Variants in CACNA1B observed in about 807,000 individuals in gnomAD.
The protein encoded by CACNA1B is voltage-dependent N-type calcium channel subunit alpha-1B.
CACNA1B carries 70 observed loss-of-function variants against 247.2 expected under a neutral mutation model. The observed-to-expected ratio is 0.28, with a 90% confidence interval of 0.23 to 0.35. The LOEUF (loss-of-function observed/expected upper bound fraction) is 0.35, where lower values mean the gene tolerates loss of function less well. CACNA1B is among the 10% of genes least tolerant of loss of function. The pLI is 1.00. For missense variants in CACNA1B, 2,367 were observed against 3,197.4 expected (o/e 0.74, Z 6.26); for synonymous variants, 1,231 against 1,294.4 (o/e 0.95, Z 1.05).
chr9:138,095,363 A>C (rs192122997), intron 36 of CACNA1B, among the ~76,000 whole-genome samples: 1 of 152,254 alleles, frequency 6.6e-6, no homozygotes, highest in African/African-American at 2.4e-5. Flanking sequence ...AAGATATTCA[A>C]CATCTTTGGT....
At position 137,955,034 on chromosome 9, in the gene CACNA1B, G is replaced by A. The variant is rs967202891; in HGVS notation, c.1071-664G>A. Among the ~76,000 whole-genome samples, 2 of 152,094 alleles carry A rather than the reference G, an allele frequency of 1.3e-5. No individual in the cohort carries two copies. The highest frequency in any genetic ancestry group is 2.4e-5 in the African/African-American group (1 of 41,400). ...TTCTCTGCTGGTCACCATGACGGCT[G>A]TGAAGGCTCAGGCGGGGCTGGGGTG... is the stretch of plus-strand genomic sequence containing the variant. On this transcript the variant is annotated intron_variant, in intron 7 of 46. Coordinates refer to ENST00000371372, the MANE Select transcript of CACNA1B (RefSeq NM_000718.4). The surrounding 1 kb of genome is among the most constrained non-coding windows in gnomAD (Gnocchi z 6.9).
intron 15 of CACNA1B, among the ~76,000 whole-genome samples, chr9:137,992,473 G>A (rs370431332): frequency 2.6e-5 from 4 of 152,092 alleles, no homozygotes; most frequent in South Asian, 2.1e-4. Flanking sequence ...TGATATAGAC[G>A]GCAACACAGT....
intron 45 of CACNA1B, 52 bp from the exon 46 acceptor site, chr9:138,120,578 AG>A: frequency 1.4e-6 from 2 of 1,462,008 alleles, no homozygotes; most frequent in African/African-American, 1.4e-5. Context: ...CCCGGGGGTC[AG>A]GGGTCCCTGC....
intron 1 of CACNA1B, among the ~76,000 whole-genome samples, chr9:137,878,418 C>G (rs1956867036): frequency 6.6e-6 from 1 of 152,040 alleles, no homozygotes; most frequent in East Asian, 2.0e-4. Context: ...CGGGGCGGAG[C>G]CCCTCTGCTC....
chr9:138,105,618 C>A, intron 38 of CACNA1B, 81 bp from the exon 39 acceptor site: 1 of 768,356 alleles, frequency 1.3e-6, no homozygotes, highest in South Asian at 1.5e-5. Context: ...GCCCAGCATC[C>A]AGGGACCCCA....
At chr9:138,078,339 T>A in intron 36 of CACNA1B, 81 bp downstream of exon 36, 1 of 1,379,390 alleles carries the variant, frequency 7.2e-7, no homozygotes, top group Non-Finnish European at 1.0e-6. Flanking sequence ...CTCCTGCTGA[T>A]CCCTGACTCT....
At chr9:138,002,180 G>A (rs191917468) in intron 15 of CACNA1B, among the ~76,000 whole-genome samples, 1 of 152,106 alleles carries the variant, frequency 6.6e-6, no homozygotes, top group Non-Finnish European at 1.5e-5. Flanking sequence ...AATATCAAAA[G>A]AACAGACCAG....
In CACNA1B at chr9:138,014,028, C is replaced by T. The variant is rs1958759342; in HGVS notation, c.2267+793C>T. On this transcript the variant is annotated intron_variant, in intron 18 of 46. Coordinates refer to ENST00000371372, the MANE Select transcript of CACNA1B (RefSeq NM_000718.4). The surrounding 1 kb of genome is among the most constrained non-coding windows in gnomAD (Gnocchi z 6.2). ...CCATGCTGATGGGCGGGCCCCAGCT[C>T]TTCAGCCGGCCACCCGCCCTGCCGT... is the stretch of plus-strand genomic sequence containing the variant. Among the ~76,000 whole-genome samples the T allele has an allele frequency of 6.6e-6, 1 of 152,278 alleles. No homozygotes were observed. Among genetic ancestry groups the T allele is most frequent in the Non-Finnish European group, 1.5e-5 (1 of 68,050 alleles).
Position 138,120,270 on chromosome 9 carries a change from C to G in CACNA1B, c.6136C>G (p.Gln2046Glu). 6.3e-7 allele frequency: 1 copy of G among 1,590,932 alleles called. No individual in the cohort carries two copies. Among genetic ancestry groups the G allele is most frequent in the Non-Finnish European group, 8.5e-7 (1 of 1,170,598 alleles). ...CACCCCGGACCGCCCACCCCCTAGC[C>G]AGGCGTCGTCGCACCACCACCACCA... is the stretch of plus-strand genomic sequence containing the variant. ...STTPDRPPPS[Q>E]ASSHHHHHRC... is the part of the protein sequence containing the mutation. Residue 2046 changes from glutamine (Q) to glutamate (E), a missense_variant, in exon 45 of 47, where the codon CAG (glutamine) becomes GAG (glutamate). Transcript: ENST00000371372.
intron 10 of CACNA1B, among the ~76,000 whole-genome samples, chr9:137,965,083 CA>C (rs1190457736): frequency 6.6e-6 from 1 of 152,220 alleles, no homozygotes; most frequent in Non-Finnish European, 1.5e-5. Context: ...AGCTTTGTCC[CA>C]GGGGGTGCTG....
At chr9:137,956,647 C>A in intron 8 of CACNA1B, 124 bp from the exon 9 acceptor site, 1 of 672,184 alleles carries the variant, frequency 1.5e-6, no homozygotes, top group Non-Finnish European at 2.4e-6. Context: ...GAGCGAGACT[C>A]CATCTCAAAA....
At chr9:137,989,218 G>C (rs1958402883) in intron 15 of CACNA1B, among the ~76,000 whole-genome samples, 1 of 152,196 alleles carries the variant, frequency 6.6e-6, no homozygotes, top group Admixed American at 6.5e-5. Context: ...AGGCACCTAA[G>C]AACAAAGAAA....
At position 138,096,580 on chromosome 9, in the gene CACNA1B, C is replaced by T. The variant is rs1961062170; in HGVS notation, c.5191C>T (p.Arg1731Trp). The T allele has an allele frequency of 3.1e-6, 5 of 1,612,808 alleles. No individual in the cohort carries two copies. Among genetic ancestry groups the T allele is most frequent in the African/African-American group, 1.3e-5 (1 of 74,740 alleles). The stretch of plus-strand genomic sequence containing the variant: ...TCCTCACCACTTGGATGAGTTCATC[C>T]GGGTCTGGGCTGAATACGACCCGGC... Reference protein sequence around the residue: ...LGPHHLDEFIRVWAEYDPAAC... With the variant: ...LGPHHLDEFIWVWAEYDPAAC... The change falls in exon 37 of 47, where the codon CGG (arginine) becomes TGG (tryptophan). Residue 1731 changes from arginine (R) to tryptophan (W), a missense_variant. By Grantham distance (101) the Arg-to-Trp change is moderately radical. Coordinates refer to ENST00000371372, the MANE Select transcript of CACNA1B (RefSeq NM_000718.4).
At chr9:137,929,687 G>A (rs773727084) in intron 6 of CACNA1B, among the ~76,000 whole-genome samples, 27 of 152,126 alleles carry the variant, frequency 1.8e-4, no homozygotes, top group Non-Finnish European at 1.5e-5. Flanking sequence ...GGGTCTTACT[G>A]TGTCACTCAG....
At chr9:138,027,461 C>T (rs956226184) in intron 20 of CACNA1B, among the ~76,000 whole-genome samples, 1 of 152,100 alleles carries the variant, frequency 6.6e-6, no homozygotes, top group Non-Finnish European at 1.5e-5. Context: ...AAGTCTTACA[C>T]CACTCATTAT....
At chr9:138,022,411 T>C (rs1589073832) in intron 18 of CACNA1B, among the ~76,000 whole-genome samples, 1 of 152,270 alleles carries the variant, frequency 6.6e-6, no homozygotes, top group African/African-American at 2.4e-5. Flanking sequence ...CTCCCTTGGC[T>C]GCTGTCTGCT....
At chr9:137,915,358 G>A (rs1235870537) in intron 5 of CACNA1B, among the ~76,000 whole-genome samples, 2 of 152,248 alleles carry the variant, frequency 1.3e-5, no homozygotes, top group Admixed American at 1.3e-4. Context: ...CAATCCAGCA[G>A]AGGTGATGGT....
intron 6 of CACNA1B, among the ~76,000 whole-genome samples, chr9:137,939,858 A>G (rs1006254175): frequency 6.0e-5 from 9 of 149,528 alleles, no homozygotes; most frequent in Non-Finnish European, 1.3e-4. Flanking sequence ...AAAAAAAAAT[A>G]AAATTCTTCG....
chr9:138,090,701 CAA>C (rs1173964720), intron 36 of CACNA1B, among the ~76,000 whole-genome samples: 46 of 16,574 alleles, frequency 2.8e-3, no homozygotes, highest in African/African-American at 0.017. Flanking sequence ...AACCCATCAG[CAA>C]AAAAAAAAAA....
Sources: allele counts gnomAD v4.1 joint callset (sites outside exome capture counted in the v4.1 genomes callset), GRCh38; gene constraint gnomAD v4.1.1; non-coding constraint Gnocchi (gnomAD v3.1); transcripts MANE v1.5; gene names NCBI Gene and HGNC (gene_info 2026-07-23, HGNC 2026-07-21).